Variants in CRYL1 observed in about 807,000 individuals in gnomAD.
CRYL1 encodes crystallin lambda 1.
Under a neutral mutation model 36.6 loss-of-function variants are expected in CRYL1, and 29 were observed. The observed-to-expected ratio is 0.79, with a 90% CI of 0.59 to 1.08. CRYL1 has a LOEUF of 1.08. CRYL1 is among the 50% of genes least tolerant of loss of function. CRYL1 has a pLI of 0.00. For missense variants in CRYL1, 411 were observed against 407.9 expected, an observed-to-expected ratio of 1.01 and a Z score of -0.06; for synonymous variants, 152 against 151.5, an observed-to-expected ratio of 1.00 and a Z score of -0.02.
Position 20,462,361 on chromosome 13 carries a change from A to C in CRYL1, c.277-22607T>G, listed in dbSNP as rs140702232. ...CAATAACCAAATCTGTTGCCTGAAAACAGAAACAAAATAAACTATGACAGG... is the reference window on the plus strand; with the variant it reads ...CAATAACCAAATCTGTTGCCTGAAACCAGAAACAAAATAAACTATGACAGG... On this transcript the variant is annotated intron_variant, in intron 3 of 7. Transcript: ENST00000298248. Among the ~76,000 whole-genome samples, 218 of 151,608 alleles carry C rather than the reference A, an allele frequency of 1.4e-3. 5 individuals are homozygous for C. In the East Asian group the frequency reaches 0.04, roughly 28 times the overall value.
intron 1 of CRYL1, among the ~76,000 whole-genome samples, chr13:20,520,999 G>A (rs562919028): frequency 1.3e-3 from 191 of 151,300 alleles, no homozygotes; most frequent in Non-Finnish European, 2.4e-3. Flanking sequence ...AGCTACTCGG[G>A]AGGCTGAGGC....
chr13:20,437,298 AAGGAAGATT>A (rs2032242596), intron 4 of CRYL1, among the ~76,000 whole-genome samples: 1 of 150,362 alleles, frequency 6.7e-6, no homozygotes, highest in African/African-American at 2.4e-5. Flanking sequence ...TTGTAACAAT[AAGGAAGATT>A]AATTTTTTTT....
chr13:20,459,119 C>T (rs1421994594), intron 3 of CRYL1, among the ~76,000 whole-genome samples: 2 of 151,284 alleles, frequency 1.3e-5, no homozygotes, highest in South Asian at 4.2e-4. Flanking sequence ...GCCTGTAGTC[C>T]CGGCTACTCG....
At chr13:20,491,989 T>C (rs1390244257) in intron 2 of CRYL1, among the ~76,000 whole-genome samples, 2 of 152,164 alleles carry the variant, frequency 1.3e-5, no homozygotes, top group African/African-American at 4.8e-5. Context: ...TAAATAGATA[T>C]TTGAAACATC....
At chr13:20,487,967 T>G (rs968206112) in intron 3 of CRYL1, among the ~76,000 whole-genome samples, 1 of 151,904 alleles carries the variant, frequency 6.6e-6, no homozygotes, top group Non-Finnish European at 1.5e-5. Flanking sequence ...CTGGGTGTGG[T>G]GGTGCACACT....
At chr13:20,426,053 T>C (rs976558359) in intron 5 of CRYL1, among the ~76,000 whole-genome samples, 1 of 151,974 alleles carries the variant, frequency 6.6e-6, no homozygotes, top group Non-Finnish European at 1.5e-5. Context: ...GCATCCCTGC[T>C]CAGGAAATCA....
chr13:20,457,940 A>G (rs1479851443), intron 3 of CRYL1, among the ~76,000 whole-genome samples: 1 of 152,126 alleles, frequency 6.6e-6, no homozygotes, highest in Non-Finnish European at 1.5e-5. Flanking sequence ...GGAAAAGGTG[A>G]CCCCGGCAGA....
In CRYL1 at chr13:20,512,531, A is replaced by AGCTTC. The variant is rs748282578; in HGVS notation, c.56_60dup (p.Trp21GlufsTer14). 1 of 1,613,918 alleles carries AGCTTC rather than the reference A, an allele frequency of 6.2e-7. No homozygotes were observed. Among genetic ancestry groups the AGCTTC allele is most frequent in the South Asian group, 1.1e-5 (1 of 91,012 alleles). On this transcript the variant is annotated frameshift_variant, in exon 2 of 8. Coordinates refer to ENST00000298248, the MANE Select transcript of CRYL1 (RefSeq NM_015974.3). LOFTEE classifies it high-confidence loss of function. The stretch of plus-strand genomic sequence containing the variant: ...CCTCCACTGGCAAACAGCATGGCCC[A>AGCTTC]GCTTCGCCCAATGACTCCACTGAAG...
intron 3 of CRYL1, among the ~76,000 whole-genome samples, chr13:20,486,589 C>T (rs1223708511): frequency 6.6e-6 from 1 of 151,974 alleles, no homozygotes; most frequent in East Asian, 1.9e-4. Context: ...GGAGGTACAA[C>T]AATTTCTGAA....
chr13:20,432,433 C>T, intron 4 of CRYL1, 137 bp from the exon 5 acceptor site: 2 of 552,324 alleles, frequency 3.6e-6, no homozygotes, highest in Non-Finnish European at 6.3e-6. Flanking sequence ...CAACAAGATA[C>T]TTGAGAAAGA....
intron 3 of CRYL1, among the ~76,000 whole-genome samples, chr13:20,468,905 C>T (rs1281247651): frequency 3.3e-5 from 5 of 152,170 alleles, no homozygotes; most frequent in Admixed American, 2.0e-4. Context: ...CCATGCCCAG[C>T]GCTCCCTTTA....
chr13:20,479,499 T>C (rs2033232862), intron 3 of CRYL1, among the ~76,000 whole-genome samples: 1 of 152,182 alleles, frequency 6.6e-6, no homozygotes, highest in Admixed American at 6.5e-5. Flanking sequence ...GAAGTAGCCA[T>C]AAGATCATTA....
chr13:20,524,279 G>A (rs2034149299), intron 1 of CRYL1, among the ~76,000 whole-genome samples: 1 of 152,034 alleles, frequency 6.6e-6, no homozygotes, highest in African/African-American at 2.4e-5. Flanking sequence ...AACTGTGTGT[G>A]TATATATATG....
At chr13:20,524,656 G>A (rs1477075548) in intron 1 of CRYL1, among the ~76,000 whole-genome samples, 1 of 151,730 alleles carries the variant, frequency 6.6e-6, no homozygotes, top group Admixed American at 6.6e-5. Flanking sequence ...GGATTACAGG[G>A]GTGAGCCACC....
chr13:20,468,738 G>A (rs565415729), intron 3 of CRYL1, among the ~76,000 whole-genome samples: 7 of 152,194 alleles, frequency 4.6e-5, no homozygotes, highest in African/African-American at 9.6e-5. Context: ...CCTGAGTGGC[G>A]AAGACTACAG....
At chr13:20,497,680 A>AC (rs1296107971) in intron 2 of CRYL1, among the ~76,000 whole-genome samples, 4 of 151,102 alleles carry the variant, frequency 2.6e-5, no homozygotes, top group Admixed American at 6.6e-5. Flanking sequence ...CCACATACAC[A>AC]CAACTACACA....
chr13:20,504,421 A>G (rs2033757967), intron 2 of CRYL1, among the ~76,000 whole-genome samples: 1 of 149,156 alleles, frequency 6.7e-6, no homozygotes, highest in African/African-American at 2.5e-5. Context: ...CTCCTGCCTC[A>G]GCCTCCTGAG....
At chr13:20,434,528 C>T (rs2032160661) in intron 4 of CRYL1, among the ~76,000 whole-genome samples, 1 of 151,698 alleles carries the variant, frequency 6.6e-6, no homozygotes, top group Non-Finnish European at 1.5e-5. Flanking sequence ...AGAAATGGAA[C>T]AGGGGAGGGG....
chr13:20,455,782 C>G (rs2032670020), intron 3 of CRYL1, among the ~76,000 whole-genome samples: 1 of 152,130 alleles, frequency 6.6e-6, no homozygotes, highest in African/African-American at 2.4e-5. Context: ...GTCAGAATAG[C>G]CAAAACCATT....
Sources: gnomAD v4.1 joint callset for allele counts (sites outside exome capture counted in the v4.1 genomes callset) on GRCh38, gnomAD v4.1.1 for gene constraint, MANE v1.5 for transcripts, NCBI Gene and HGNC (gene_info 2026-07-23, HGNC 2026-07-21) for gene names.